The following ADORA1 variants were observed in gnomAD, a reference collection of about 807,000 sequenced individuals.
ADORA1 encodes the protein adenosine A1 receptor, also known as adenosine receptor A1.
In ADORA1, 6 loss-of-function variants were observed where a neutral mutation model predicts 19.9. The observed-to-expected ratio is 0.30, with a 90% CI of 0.17 to 0.59. The LOEUF is 0.59. ADORA1 is among the 20% of genes least tolerant of loss of function. The pLI is 0.87. For missense variants in ADORA1, 302 were observed against 439.2 expected, an observed-to-expected ratio of 0.69 and a Z score of 2.79; for synonymous variants, 194 against 188.4, an observed-to-expected ratio of 1.03 and a Z score of -0.24.
rs1654430925 is a variant in ADORA1, at chr1:203,134,145, CTG to C, written c.341+4964_341+4965del. Among the ~76,000 whole-genome samples the C allele has an allele frequency of 2.0e-5, 3 of 152,226 alleles. No individual in the cohort carries two copies. The East Asian group carries it at 5.8e-4, about 29-fold the overall frequency. On this transcript the variant is annotated intron_variant, in intron 3 of 3. Coordinates refer to ENST00000337894, the MANE Select transcript of ADORA1 (RefSeq NM_000674.3). ...TCACACTTGCGGACTGAGGAGGAAA[CTG>C]AGATTGGAGAGAGGAGGAGCTTACG...
At chr1:203,132,177 T>A (rs1654363376) in intron 3 of ADORA1, among the ~76,000 whole-genome samples, 1 of 152,228 alleles carries the variant, frequency 6.6e-6, no homozygotes, top group Non-Finnish European at 1.5e-5. Flanking sequence ...TGCACGCTAT[T>A]TGCATAGCAC....
At chr1:203,140,986 C>T (rs759840053) in intron 3 of ADORA1, among the ~76,000 whole-genome samples, 32 of 152,356 alleles carry the variant, frequency 2.1e-4, no homozygotes, top group Non-Finnish European at 4.6e-4. Flanking sequence ...TGTGTTAACT[C>T]GTGCACAGTG....
At chr1:203,159,677 T>C (rs1258534495) in intron 3 of ADORA1, among the ~76,000 whole-genome samples, 2 of 152,258 alleles carry the variant, frequency 1.3e-5, no homozygotes, top group African/African-American at 2.4e-5. Context: ...ATCTATTGCC[T>C]GTTTCTCTGT....
At chr1:203,153,002 C>A (rs902451265) in intron 3 of ADORA1, among the ~76,000 whole-genome samples, 2 of 152,192 alleles carry the variant, frequency 1.3e-5, no homozygotes, top group African/African-American at 4.8e-5. Flanking sequence ...GAAAGCCTCC[C>A]ACTTTGCACC....
chr1:203,132,718 A>G (rs2102735499), intron 3 of ADORA1, among the ~76,000 whole-genome samples: 1 of 152,302 alleles, frequency 6.6e-6, no homozygotes, highest in East Asian at 1.9e-4. Context: ...GTGGTGGCAC[A>G]TGCCTGTCAT....
chr1:203,154,092 A>T (rs1232434890), intron 3 of ADORA1, among the ~76,000 whole-genome samples: 1 of 152,162 alleles, frequency 6.6e-6, no homozygotes, highest in Non-Finnish European at 1.5e-5. Context: ...CAGTGCTTCC[A>T]TGAGGAGCAG....
intron 3 of ADORA1, among the ~76,000 whole-genome samples, chr1:203,135,094 C>T (rs1332370077): frequency 6.6e-6 from 1 of 152,196 alleles, no homozygotes; most frequent in Non-Finnish European, 1.5e-5. Flanking sequence ...CACCACTCAT[C>T]ACCTGGGTAG....
At chr1:203,135,531 G>A (rs1286684715) in intron 3 of ADORA1, among the ~76,000 whole-genome samples, 1 of 151,940 alleles carries the variant, frequency 6.6e-6, no homozygotes, top group African/African-American at 2.4e-5. Context: ...GGTGGTGCAC[G>A]ACTGTAATCC....
intron 3 of ADORA1, among the ~76,000 whole-genome samples, chr1:203,146,862 C>T (rs1054693477): frequency 1.3e-5 from 2 of 152,194 alleles, no homozygotes; most frequent in African/African-American, 4.8e-5. Context: ...GTGTTGCTAG[C>T]ATCATGGCAG....
rs191176618 is a variant in ADORA1 at position 203,132,127 on chromosome 1, T to C, written c.341+2945T>C. On this transcript the variant is annotated intron_variant, in intron 3 of 3. Transcript: ENST00000337894. ...AAATTTTTTCTTTTTAAGCTCAAAT[T>C]GTTGATTCATCAGTAACCTGTGGTC... 3.9e-5 allele frequency among the ~76,000 whole-genome samples: 6 copies of C among 152,326 alleles called. No individual in the cohort carries two copies. In the East Asian group the frequency reaches 1.2e-3, roughly 29 times the overall value.
intron 3 of ADORA1, among the ~76,000 whole-genome samples, chr1:203,159,458 T>G (rs1487574718): frequency 6.6e-6 from 1 of 152,148 alleles, no homozygotes; most frequent in East Asian, 1.9e-4. Context: ...CACTCTTGCC[T>G]CAGCACCTCT....
chr1:203,128,380 C>T lies in ADORA1; in HGVS notation c.-110C>T, dbSNP rs1654221927. 7 of 1,290,816 alleles carry T rather than the reference C, an allele frequency of 5.4e-6. No individual in the cohort carries two copies. Among genetic ancestry groups the T allele is most frequent in the Non-Finnish European group, 7.1e-6 (7 of 989,756 alleles). The allele number at this position is 1,290,816 out of a possible 1,614,324, so 80.0% of individuals were successfully genotyped here. ...CCGCGCGCGGCCCGGAGCTCTGTTC[C>T]CTGGAACTTTGGGCACTGCCTCTGG... On this transcript the variant is annotated 5_prime_UTR_variant, in exon 2 of 4. Transcript: ENST00000337894. The surrounding 1 kb of genome is among the most constrained non-coding windows in gnomAD (Gnocchi z 5.9).
At chr1:203,164,400 GC>G (rs1344283245) in intron 3 of ADORA1, among the ~76,000 whole-genome samples, 3 of 152,228 alleles carry the variant, frequency 2.0e-5, no homozygotes, top group Non-Finnish European at 2.9e-5. Flanking sequence ...CTCGACAAAT[GC>G]TTGCTGAATG....
chr1:203,155,512 C>T (rs1022545241), intron 3 of ADORA1, among the ~76,000 whole-genome samples: 3 of 152,158 alleles, frequency 2.0e-5, no homozygotes, highest in East Asian at 1.9e-4. Flanking sequence ...CTGAAAAGGA[C>T]GATTCATGAG....
intron 3 of ADORA1, among the ~76,000 whole-genome samples, chr1:203,157,571 G>A (rs927186327): frequency 6.6e-6 from 1 of 152,212 alleles, no homozygotes; most frequent in Admixed American, 6.5e-5. Context: ...GCTCCAGGAG[G>A]CATTGCCCTG....
intron 3 of ADORA1, among the ~76,000 whole-genome samples, chr1:203,130,319 G>A (rs377514501): frequency 1.3e-4 from 20 of 152,198 alleles, no homozygotes; most frequent in African/African-American, 4.8e-4. Context: ...TTATCATCAC[G>A]CCGCTGTAAG....
intron 3 of ADORA1, among the ~76,000 whole-genome samples, chr1:203,162,819 A>C (rs2102767035): frequency 6.6e-6 from 1 of 152,302 alleles, no homozygotes; most frequent in African/African-American, 2.4e-5. Flanking sequence ...GGACTGAGAA[A>C]GGGATTTGTA....
At position 203,128,314 on chromosome 1, in the gene ADORA1, T is replaced by A. The variant is rs200795461; in HGVS notation, c.-176T>A. Reference sequence around the variant, plus strand: ...AGCGCTGCGGCGGGAGCCGGAGGACTATGAGCTGCCGCGCGTTGTCCAGAG... The same window carrying A: ...AGCGCTGCGGCGGGAGCCGGAGGACAATGAGCTGCCGCGCGTTGTCCAGAG... On this transcript the variant is annotated 5_prime_UTR_variant, in exon 2 of 4. Coordinates refer to ENST00000337894, the MANE Select transcript of ADORA1 (RefSeq NM_000674.3). This position sits in a 1 kb window ranked among gnomAD's most constrained non-coding sequence, Gnocchi z 5.9. 4.7e-6 allele frequency: 6 copies of A among 1,286,344 alleles called. No individual in the cohort carries two copies. The South Asian group carries it at 4.9e-5, about 11-fold the overall frequency. 79.7% of individuals were successfully genotyped at this position (1,286,344 alleles called of 1,614,324 possible).
chr1:203,145,045 CCCAGGAGTTTGAATTCAGT>C (rs1480082480), intron 3 of ADORA1: 1 of 148,166 alleles, frequency 6.7e-6, no homozygotes, highest in African/African-American at 2.6e-5. Flanking sequence ...ACCTTATGTG[CCCAGGAGTTTGAATTCAGT>C]CCAGTCAAGG....
Sources: gnomAD v4.1 joint callset for allele counts (sites outside exome capture counted in the v4.1 genomes callset) on GRCh38, gnomAD v4.1.1 for gene constraint, Gnocchi (gnomAD v3.1) non-coding constraint, MANE v1.5 for transcripts, NCBI Gene and HGNC (gene_info 2026-07-23, HGNC 2026-07-21) for gene names.